PLCD4: variants seen among roughly 807,000 people sequenced by gnomAD.
PLCD4 encodes 1-phosphatidylinositol 4,5-bisphosphate phosphodiesterase delta-4.
PLCD4 carries 63 observed loss-of-function variants against 90.2 expected under a neutral mutation model. The ratio of observed to expected loss-of-function variants is 0.70; its 90% CI spans 0.57 to 0.86. The LOEUF (loss-of-function observed/expected upper bound fraction) is 0.86, where lower values mean the gene tolerates loss of function less well. PLCD4 is among the 40% of genes least tolerant of loss of function. PLCD4 has a pLI of 0.00. For missense variants in PLCD4, 830 were observed against 956.3 expected, an observed-to-expected ratio of 0.87 and a Z score of 1.74; for synonymous variants, 294 against 356.5, an observed-to-expected ratio of 0.82 and a Z score of 1.97.
At chr2:218,633,440 G>T in intron 10 of PLCD4, 165 bp from the exon 11 acceptor site, 1 of 809,888 alleles carries the variant, frequency 1.2e-6, no homozygotes, top group Non-Finnish European at 2.1e-6. Flanking sequence ...TGTGGCCCAG[G>T]CTCCTATTTC....
At position 218,636,989 on chromosome 2, in the gene PLCD4, C is replaced by A; in HGVS notation, c.*412C>A. 2.2e-6 allele frequency: 1 copy of A among 449,376 alleles called. No homozygotes were observed. The highest frequency in any genetic ancestry group is 4.5e-6 in the Non-Finnish European group (1 of 224,056). The allele number at this position is 449,376 out of a possible 1,614,324, so 27.8% of individuals were successfully genotyped here. A position where few individuals can be genotyped will look rare whatever the true frequency, so the allele number is the denominator to read the frequency against. On this transcript the variant is annotated 3_prime_UTR_variant, in exon 16 of 16. Transcript: ENST00000450993. ...GAAGCATCATCCCCTCCATCCCCAA[C>A]TTCCTCAAAGCCCAAAGCCAAGGGA... is the stretch of plus-strand genomic sequence containing the variant.
At chr2:218,636,112 C>T (rs1332319954) in intron 14 of PLCD4, 131 bp from the exon 15 acceptor site, 3 of 1,381,274 alleles carry the variant, frequency 2.2e-6, no homozygotes, top group Middle Eastern at 3.7e-4. Flanking sequence ...AAATTACTTG[C>T]TTACTCTGAG....
intron 6 of PLCD4, among the ~76,000 whole-genome samples, chr2:218,627,052 G>A (rs1009871681): frequency 2.6e-5 from 4 of 151,926 alleles, no homozygotes; most frequent in African/African-American, 9.6e-5. Flanking sequence ...AGGAGATGGA[G>A]ACCATCCTGG....
intron 4 of PLCD4, 144 bp downstream of exon 4, chr2:218,618,951 G>C: frequency 1.4e-6 from 1 of 700,818 alleles, no homozygotes; most frequent in Non-Finnish European, 2.4e-6. Context: ...GGACAGCTCA[G>C]GCCAATGTGA....
chr2:218,623,572 C>G (rs1337882773), intron 6 of PLCD4, among the ~76,000 whole-genome samples: 1 of 152,212 alleles, frequency 6.6e-6, no homozygotes, highest in African/African-American at 2.4e-5. Context: ...TTTCACGTTC[C>G]TCATTTCATT....
chr2:218,634,344 T>G lies in PLCD4; in HGVS notation c.1724-114T>G. ...TTGCTAGGCTGAGAAATGCTATCAG[T>G]GGATATTACCAGCAGGTACCGTGCA... On this transcript the variant is annotated intron_variant, in intron 12 of 15. Coordinates refer to ENST00000450993, the MANE Select transcript of PLCD4 (RefSeq NM_032726.4). This position sits in a 1 kb window ranked among gnomAD's most constrained non-coding sequence, Gnocchi z 4.0. 1 of 1,573,422 alleles carries G rather than the reference T, an allele frequency of 6.4e-7. No individual in the cohort carries two copies. The highest frequency in any genetic ancestry group is 8.6e-7 in the Non-Finnish European group (1 of 1,157,252).
At position 218,616,960 on chromosome 2, in the gene PLCD4, A is replaced by AGAGAGAT. The variant is rs1553572000; in HGVS notation, c.181+904_181+905insTGAGAGA. Among the ~76,000 whole-genome samples the AGAGAGAT allele has an allele frequency of 1.1e-3, 102 of 92,646 alleles. 4 individuals carry two copies. Among genetic ancestry groups the AGAGAGAT allele is most frequent in the African/African-American group, 3.4e-3 (79 of 22,980 alleles). The allele number at this position is 92,646 out of a possible 152,430, so 60.8% of individuals were successfully genotyped here. A position where few individuals can be genotyped will look rare whatever the true frequency, so the allele number is the denominator to read the frequency against. ...GAGAGAGAGAGAGAGAGAGAGAGAG[A>AGAGAGAT]GAGAGAGAGAGAGAGAGAGAGAGAG... On this transcript the variant is annotated intron_variant, in intron 3 of 15. Coordinates refer to ENST00000450993, the MANE Select transcript of PLCD4 (RefSeq NM_032726.4).
At chr2:218,630,593 A>C in intron 8 of PLCD4, 57 bp from the exon 9 acceptor site, 1 of 1,607,340 alleles carries the variant, frequency 6.2e-7, no homozygotes, top group East Asian at 2.2e-5. Context: ...GTACTTGAAG[A>C]AGTAGGTTGC....
At position 218,634,551 on chromosome 2, in the gene PLCD4, A is replaced by T; in HGVS notation, c.1817A>T (p.Asp606Val). The change falls in exon 13 of 16, where the codon GAC (aspartate) becomes GTC (valine). Residue 606 changes from aspartate to valine, a missense_variant. Transcript: ENST00000450993. This position sits in a 1 kb window ranked among gnomAD's most constrained non-coding sequence, Gnocchi z 4.0. ...GGCTGTGGCTATGTGCTGAAGCCAG[A>T]CTTCCTGCGTGATATCCAGAGTTCT... is the stretch of plus-strand genomic sequence containing the variant. ...NGGCGYVLKP[D>V]FLRDIQSSFH... 1 of 1,614,066 alleles carries T rather than the reference A, an allele frequency of 6.2e-7. No individual in the cohort carries two copies. Among genetic ancestry groups the T allele is most frequent in the South Asian group, 1.1e-5 (1 of 91,090 alleles).
At chr2:218,630,974 C>G (rs570244746) in intron 9 of PLCD4, among the ~76,000 whole-genome samples, 172 bp downstream of exon 9, 25 of 152,292 alleles carry the variant, frequency 1.6e-4, no homozygotes, top group Middle Eastern at 3.4e-3. Flanking sequence ...CAAAATCTAA[C>G]TGAACACAGA....
intron 13 of PLCD4, among the ~76,000 whole-genome samples, 174 bp from the exon 14 acceptor site, chr2:218,635,622 C>T (rs1412809987): frequency 6.6e-6 from 1 of 152,152 alleles, no homozygotes; most frequent in Non-Finnish European, 1.5e-5. Flanking sequence ...TGTGAGCCAC[C>T]GTGCCCGGCC....
rs759405490 is a variant in PLCD4 at position 218,635,898 on chromosome 2, G to A, written c.1999G>A (p.Ala667Thr). 1.9e-6 allele frequency: 3 copies of A among 1,614,000 alleles called. No individual in the cohort carries two copies. The highest frequency in any genetic ancestry group is 3.3e-5 in the Admixed American group (2 of 60,020). Reference sequence around the variant, plus strand: ...GATCTTTGGCGTTCGTCTAGACACAGCACGGCAGGAGACCAACTATGTGGA... The same window carrying A: ...GATCTTTGGCGTTCGTCTAGACACAACACGGCAGGAGACCAACTATGTGGA... ...VQIFGVRLDT[A>T]RQETNYVENN... The change falls in exon 14 of 16, where the codon GCA becomes ACA. Residue 667 changes from alanine to threonine, a missense_variant. By Grantham distance (58) the Ala-to-Thr change is moderately conservative. Coordinates refer to ENST00000450993, the MANE Select transcript of PLCD4 (RefSeq NM_032726.4).
rs368808205 is a variant in PLCD4 at position 218,616,003 on chromosome 2, A to C, written c.122A>C (p.Gln41Pro). The change falls in exon 3 of 16, where the codon CAG becomes CCG. Residue 41 changes from glutamine to proline, a missense_variant. Physicochemically the swap from Gln to Pro is moderately conservative, Grantham distance 76. Transcript: ENST00000450993. ...SWKKLRYFRL[Q>P]NDGMTVWHAR... ...AAGAAGCTAAGATACTTCAGACTTC[A>C]GAATGACGGCATGACAGTCTGGCAT... 1.9e-6 allele frequency: 3 copies of C among 1,614,064 alleles called. 1 individual carries two copies. The Admixed American group carries it at 5.0e-5, about 27-fold the overall frequency.
Position 218,635,752 on chromosome 2 carries a change from T to C in PLCD4, c.1897-44T>C, listed in dbSNP as rs770027805. 53 of 1,593,048 alleles carry C rather than the reference T, an allele frequency of 3.3e-5. 1 individual carries two copies. In the South Asian group the frequency reaches 6.0e-4, roughly 18 times the overall value. On this transcript the variant is annotated intron_variant, in intron 13 of 15. Transcript: ENST00000450993. ...GGTTGGGAGTAGGGTCGGGTGGGGC[T>C]GGGCTGAGCAGGAACTTGTGAGATT...
chr2:218,610,399 T>C (rs547069130), intron 1 of PLCD4, among the ~76,000 whole-genome samples: 148 of 151,918 alleles, frequency 9.7e-4, no homozygotes, highest in Non-Finnish European at 1.9e-3. Context: ...TCCCAGCTAC[T>C]TGGGAGGCTG....
In PLCD4 at chr2:218,621,611, G is replaced by C. The variant is rs746457248; in HGVS notation, c.540+12G>C. On this transcript the variant is annotated intron_variant, in intron 5 of 15. Transcript: ENST00000450993. ...TCAGTCTTTTTCAGGTGAGTCTGTG[G>C]GGAAGGATTTCCAGCGGCCAACCAG... The C allele has an allele frequency of 6.2e-7, 1 of 1,613,298 alleles. No individual in the cohort carries two copies. The highest frequency in any genetic ancestry group is 8.5e-7 in the Non-Finnish European group (1 of 1,179,560).
At chr2:218,629,407 C>A in intron 7 of PLCD4, 112 bp from the exon 8 acceptor site, 1 of 1,274,778 alleles carries the variant, frequency 7.8e-7, no homozygotes, top group Non-Finnish European at 1.1e-6. Context: ...TTGAAGGGGT[C>A]TGGATGGGTA....
Position 218,618,733 on chromosome 2 carries a change from C to T in PLCD4, c.336C>T (p.Ala112=). The T allele has an allele frequency of 6.2e-7, 1 of 1,612,396 alleles. No individual in the cohort carries two copies. Among genetic ancestry groups the T allele is most frequent in the Non-Finnish European group, 8.5e-7 (1 of 1,179,290 alleles). ...TGATGGCCAACAGTGTTGAGGAGGC[C>T]CAGATATGGATGCGAGGGCTCCAGC... is the stretch of plus-strand genomic sequence containing the variant. The part of the protein sequence containing the change: ...LDLMANSVEE[A]QIWMRGLQLL... The change falls in exon 4 of 16, where the codon GCC becomes GCT. Residue 112 remains alanine (A), a synonymous_variant. Transcript: ENST00000450993.
intron 4 of PLCD4, 175 bp downstream of exon 4, chr2:218,618,982 G>A (rs2106131353): frequency 1.6e-6 from 1 of 611,794 alleles, no homozygotes; most frequent in East Asian, 2.8e-5. Context: ...ACTGAGGGAG[G>A]AATGGATGCC....
Sources: allele counts gnomAD v4.1 joint callset (sites outside exome capture counted in the v4.1 genomes callset), GRCh38; gene constraint gnomAD v4.1.1; non-coding constraint Gnocchi (gnomAD v3.1); transcripts MANE v1.5; gene names NCBI Gene and HGNC (gene_info 2026-07-23, HGNC 2026-07-21).